The following INTS7 variants were observed in gnomAD, a reference collection of about 807,000 sequenced individuals.
The protein encoded by INTS7 is integrator complex subunit 7, also known as chromosome 1 open reading frame 73.
A neutral mutation model predicts 109.2 loss-of-function variants in INTS7; 46 were observed. The ratio of observed to expected loss-of-function variants is 0.42; its 90% CI spans 0.33 to 0.54. INTS7 has a LOEUF of 0.54. Ranked by LOEUF, INTS7 falls within the 20% of genes least tolerant of loss-of-function variation. INTS7 has a pLI of 0.07. For missense variants in INTS7, 929 were observed against 1,132.4 expected, an observed-to-expected ratio of 0.82 and a Z score of 2.58; for synonymous variants, 412 against 402.9, an observed-to-expected ratio of 1.02 and a Z score of -0.27.
At chr1:211,960,351 C>T (rs569930092) in intron 16 of INTS7, among the ~76,000 whole-genome samples, 4 of 151,776 alleles carry the variant, frequency 2.6e-5, no homozygotes, top group Non-Finnish European at 5.9e-5. Flanking sequence ...CCCACAAAGA[C>T]GAGAAAGAAC....
At chr1:211,984,140 C>A (rs1456872683) in intron 8 of INTS7, among the ~76,000 whole-genome samples, 2 of 152,016 alleles carry the variant, frequency 1.3e-5, no homozygotes, top group African/African-American at 4.8e-5. Flanking sequence ...TGTAAGCCAC[C>A]ATGCCTGGCC....
At chr1:212,009,339 G>A (rs1666067480) in intron 5 of INTS7, among the ~76,000 whole-genome samples, 1 of 152,082 alleles carries the variant, frequency 6.6e-6, no homozygotes, top group Admixed American at 6.6e-5. Context: ...TCATATAACT[G>A]TCATCAGATA....
Position 211,941,829 on chromosome 1 carries a change from A to C in INTS7, c.2884T>G (p.Phe962Val). Residue 962 changes from phenylalanine (F) to valine (V), a missense_variant, in exon 20 of 20, where the codon TTT becomes GTT. By Grantham distance (50) the Phe-to-Val change is conservative. Transcript: ENST00000366994. ...QQQQRNAYTR[F>V] ...GCAGTGCATTCATTCCATGGTTAAA[A>C]CCGTGTGTAGGCATTGCGTTGCTGC... The C allele has an allele frequency of 6.2e-7, 1 of 1,613,776 alleles. No homozygotes were observed. The highest frequency in any genetic ancestry group is 1.7e-5 in the Admixed American group (1 of 60,004).
chr1:211,988,627 T>C (rs536716585), intron 7 of INTS7, among the ~76,000 whole-genome samples: 1 of 152,296 alleles, frequency 6.6e-6, no homozygotes, highest in African/African-American at 2.4e-5. Flanking sequence ...TACTATACTA[T>C]TGTAACATGT....
At chr1:212,018,096 T>G (rs1182801180) in intron 3 of INTS7, among the ~76,000 whole-genome samples, 1 of 152,178 alleles carries the variant, frequency 6.6e-6, no homozygotes, top group Non-Finnish European at 1.5e-5. Flanking sequence ...AGGTCCTATA[T>G]GGCAAACCTC....
chr1:212,015,710 T>TA (rs58204818), intron 4 of INTS7, among the ~76,000 whole-genome samples: 12 of 34,976 alleles, frequency 3.4e-4, no homozygotes, highest in South Asian at 2.4e-3. Flanking sequence ...CAATAAATAC[T>TA]AAAAAAAAAA....
At chr1:211,982,874 T>A in intron 8 of INTS7, 64 bp from the exon 9 acceptor site, 1 of 1,306,980 alleles carries the variant, frequency 7.7e-7, no homozygotes, top group Non-Finnish European at 1.1e-6. Context: ...GTTCAGCTCA[T>A]AGGTTCAATT....
chr1:211,983,595 TAA>T (rs1664757875), intron 8 of INTS7, among the ~76,000 whole-genome samples: 1 of 152,170 alleles, frequency 6.6e-6, no homozygotes, highest in African/African-American at 2.4e-5. Flanking sequence ...TTCAACTACT[TAA>T]AAGAGTCTCC....
At chr1:211,997,878 C>CAA (rs112560573) in intron 7 of INTS7, among the ~76,000 whole-genome samples, 9 of 82,250 alleles carry the variant, frequency 1.1e-4, no homozygotes, top group East Asian at 4.0e-4. Context: ...AACTCCAACT[C>CAA]AAAAAAAAAA....
chr1:212,010,887 A>G (rs2102473844), intron 5 of INTS7, among the ~76,000 whole-genome samples: 1 of 152,242 alleles, frequency 6.6e-6, no homozygotes. Flanking sequence ...CATTTCTCAC[A>G]CAGGATCCCC....
At chr1:211,970,682 G>A (rs1251255641) in intron 13 of INTS7, among the ~76,000 whole-genome samples, 1 of 152,100 alleles carries the variant, frequency 6.6e-6, no homozygotes, top group Non-Finnish European at 1.5e-5. Flanking sequence ...AAACACAAAT[G>A]GTCAAACATA....
At chr1:211,979,814 C>T (rs915606477) in intron 10 of INTS7, among the ~76,000 whole-genome samples, 3 of 152,198 alleles carry the variant, frequency 2.0e-5, no homozygotes, top group Admixed American at 6.5e-5. Flanking sequence ...CACAACTCAA[C>T]TCATATGACA....
Position 211,946,607 on chromosome 1 carries a change from C to T in INTS7, c.2415G>A (p.Lys805=). ...AACCTTAGTATTCTTCCTGTATTAC[C>T]TTGATGCTGGTAGACTGTAGTTTCT... ...FFQKLQSTSI[K]LALSPSPRNP... is the part of the protein sequence containing the mutation. Residue 805 remains lysine (K), a splice_region_variant and synonymous_variant, in exon 18 of 20, where the codon AAG becomes AAA. Coordinates refer to ENST00000366994, the MANE Select transcript of INTS7 (RefSeq NM_015434.4). This position sits in a 1 kb window ranked among gnomAD's most constrained non-coding sequence, Gnocchi z 4.3. 1 of 1,579,728 alleles carries T rather than the reference C, an allele frequency of 6.3e-7. No homozygotes were observed. The highest frequency in any genetic ancestry group is 8.7e-7 in the Non-Finnish European group (1 of 1,149,156).
rs547829981 is a variant in INTS7, at chr1:211,968,646, T to G, written c.1877A>C (p.Asp626Ala). ...AAGTTGAGAGAAGGCTTGTAAAAGGTCAATCCTGAGTTTTACAAATTCACA... is the reference window on the plus strand; with the variant it reads ...AAGTTGAGAGAAGGCTTGTAAAAGGGCAATCCTGAGTTTTACAAATTCACA... ...FQCEFVKLRI[D>A]LLQAFSQLIC... The change falls in exon 14 of 20, where the codon GAC (aspartate) becomes GCC (alanine). Residue 626 changes from aspartate (D) to alanine (A), a missense_variant. Asp to Ala is a moderately radical substitution (Grantham distance 126, BLOSUM62 -2). This residue lies in a region of INTS7 where 787 missense variants were observed against 901.1 expected (regional missense o/e 0.87). Coordinates refer to ENST00000366994, the MANE Select transcript of INTS7 (RefSeq NM_015434.4). 1 of 1,613,248 alleles carries G rather than the reference T, an allele frequency of 6.2e-7. No homozygotes were observed. Among genetic ancestry groups the G allele is most frequent in the South Asian group, 1.1e-5 (1 of 91,044 alleles).
intron 1 of INTS7, among the ~76,000 whole-genome samples, chr1:212,022,852 G>A (rs1666768188): frequency 1.3e-5 from 2 of 152,164 alleles, no homozygotes; most frequent in Non-Finnish European, 2.9e-5. Flanking sequence ...TACCCAGGTA[G>A]TGAGCATAGT....
intron 5 of INTS7, among the ~76,000 whole-genome samples, chr1:212,008,007 A>G (rs889817738): frequency 5.9e-5 from 9 of 152,216 alleles, no homozygotes; most frequent in African/African-American, 1.4e-4. Context: ...AGCGAAACCA[A>G]CAAATCTTTT....
intron 7 of INTS7, among the ~76,000 whole-genome samples, chr1:211,988,868 G>A (rs1665020479): frequency 6.6e-6 from 1 of 152,084 alleles, no homozygotes; most frequent in East Asian, 1.9e-4. Context: ...CTCTACTCTT[G>A]ACCAGGTAGT....
intron 7 of INTS7, among the ~76,000 whole-genome samples, chr1:211,988,417 G>A (rs1438854211): frequency 6.9e-6 from 1 of 145,642 alleles, no homozygotes; most frequent in Non-Finnish European, 1.5e-5. Context: ...GCAAGACCCT[G>A]TCTCAAAAAA....
rs1324023185 is a variant in INTS7 at position 211,994,758 on chromosome 1, A to G, written c.880-6755T>C. 4.0e-5 allele frequency among the ~76,000 whole-genome samples: 6 copies of G among 151,806 alleles called. No homozygotes were observed. The East Asian group carries it at 1.2e-3, about 29-fold the overall frequency. On this transcript the variant is annotated intron_variant, in intron 7 of 19. Transcript: ENST00000366994. ...GAAAAAAATTCTTCATGAAGAAACA[A>G]ACATTAAAAAAAAAGTATGTTCAAT...
Sources: allele counts gnomAD v4.1 joint callset (sites outside exome capture counted in the v4.1 genomes callset), GRCh38; gene constraint gnomAD v4.1.1; regional missense constraint gnomAD v4.1.1; non-coding constraint Gnocchi (gnomAD v3.1); transcripts MANE v1.5; gene names NCBI Gene and HGNC (gene_info 2026-07-23, HGNC 2026-07-21).